ATXN8OS: variants seen among roughly 807,000 people sequenced by gnomAD.
ATXN8OS encodes ATXN8 opposite strand lncRNA, also known as ATXN8 opposite strand (non-protein coding).
intron 1 of ATXN8OS, chr13:70,115,042 GT>G: frequency 2.5e-6 from 1 of 394,658 alleles, no homozygotes; most frequent in Non-Finnish European, 4.5e-6. Context: ...GTGTGTGTGT[GT>G]GTGTGCATGT....
At chr13:70,145,702 G>C (rs924965193) in intron 3 of ATXN8OS, among the ~76,000 whole-genome samples, 1 of 152,096 alleles carries the variant, frequency 6.6e-6, no homozygotes, top group Admixed American at 6.6e-5. Flanking sequence ...CATTGATTTT[G>C]TATCCTGAGA....
chr13:70,166,660 T>G (rs908491207), intron 4 of ATXN8OS, among the ~76,000 whole-genome samples: 4 of 152,032 alleles, frequency 2.6e-5, no homozygotes, highest in African/African-American at 4.8e-5. Context: ...AAAGCCAAAA[T>G]TGACAAATGG....
At chr13:70,157,086 C>G (rs1359663668) in intron 4 of ATXN8OS, among the ~76,000 whole-genome samples, 1 of 151,952 alleles carries the variant, frequency 6.6e-6, no homozygotes, top group Non-Finnish European at 1.5e-5. Flanking sequence ...CTAATGCAAT[C>G]TGATGAATTG....
At chr13:70,169,757 A>G (rs1889123360) in exon 5 of ATXN8OS, among the ~76,000 whole-genome samples, 1 of 152,050 alleles carries the variant, frequency 6.6e-6, no homozygotes, top group South Asian at 2.1e-4. Context: ...TGATAGGACA[A>G]TGTCTTCCCA....
At chr13:70,141,229 C>T (rs570990950) in intron 3 of ATXN8OS, among the ~76,000 whole-genome samples, 6 of 152,090 alleles carry the variant, frequency 3.9e-5, no homozygotes, top group African/African-American at 7.2e-5. Context: ...ATACCTCTTT[C>T]GTCATCGATA....
intron 4 of ATXN8OS, among the ~76,000 whole-genome samples, chr13:70,161,755 T>C (rs1889010994): frequency 9.6e-6 from 1 of 104,610 alleles, no homozygotes. Context: ...TATAAGTATT[T>C]GTTGAGTGAA....
chr13:70,156,222 C>G (rs970728547), intron 4 of ATXN8OS, among the ~76,000 whole-genome samples: 4 of 149,158 alleles, frequency 2.7e-5, no homozygotes, highest in African/African-American at 9.8e-5. Flanking sequence ...TGAGTGAGCA[C>G]AGGTGGGTAT....
intron 4 of ATXN8OS, among the ~76,000 whole-genome samples, chr13:70,147,831 G>A (rs1888808193): frequency 6.6e-6 from 1 of 152,096 alleles, no homozygotes; most frequent in South Asian, 2.1e-4. Context: ...AAGAACATGT[G>A]CCCAAGATGG....
chr13:70,114,696 G>A (rs190665615), intron 1 of ATXN8OS, among the ~76,000 whole-genome samples: 28 of 152,094 alleles, frequency 1.8e-4, no homozygotes, highest in African/African-American at 6.7e-4. Flanking sequence ...AACTAAGAAA[G>A]GAACTATTAT....
At chr13:70,152,553 C>T (rs1261188946) in intron 4 of ATXN8OS, among the ~76,000 whole-genome samples, 3 of 151,838 alleles carry the variant, frequency 2.0e-5, no homozygotes, top group Non-Finnish European at 4.4e-5. Flanking sequence ...GCTCCTATAG[C>T]ACCATTGATT....
chr13:70,125,231 A>T (rs1310958268), intron 2 of ATXN8OS, among the ~76,000 whole-genome samples: 1 of 152,094 alleles, frequency 6.6e-6, no homozygotes, highest in Non-Finnish European at 1.5e-5. Context: ...TGGTATTATG[A>T]GGTCTTATGT....
At chr13:70,151,865 CAT>C (rs1424778200) in intron 4 of ATXN8OS, among the ~76,000 whole-genome samples, 1 of 152,016 alleles carries the variant, frequency 6.6e-6, no homozygotes, top group East Asian at 1.9e-4. Flanking sequence ...GAATGGTAAA[CAT>C]AGAATCATTT....
intron 3 of ATXN8OS, chr13:70,130,822 G>A: frequency 2.5e-6 from 1 of 398,514 alleles, no homozygotes; most frequent in Non-Finnish European, 4.4e-6. Flanking sequence ...CCAATGACCA[G>A]GGAGAATGAA....
chr13:70,128,065 C>A lies in ATXN8OS; in HGVS notation n.399-1719C>A, dbSNP rs148774313. On this transcript the variant is annotated intron_variant and non_coding_transcript_variant, in intron 2 of 4. Coordinates refer to ENST00000678624, the Ensembl canonical transcript of ATXN8OS. ...TTCATATAATTACATATGAATTTTACTAGGGATAGGTTAGTATGAAAAACA... is the reference window on the plus strand; with the variant it reads ...TTCATATAATTACATATGAATTTTAATAGGGATAGGTTAGTATGAAAAACA... Among the ~76,000 whole-genome samples, 11 of 151,774 alleles carry A rather than the reference C, an allele frequency of 7.2e-5. No homozygotes were observed. In the East Asian group the frequency reaches 2.1e-3, roughly 29 times the overall value.
intron 2 of ATXN8OS, among the ~76,000 whole-genome samples, chr13:70,119,767 T>A (rs941277159): frequency 6.6e-6 from 1 of 152,096 alleles, no homozygotes; most frequent in African/African-American, 2.4e-5. Flanking sequence ...TCAAACCTTT[T>A]TGTCATGCTC....
At chr13:70,154,892 G>A (rs1437495086) in intron 4 of ATXN8OS, among the ~76,000 whole-genome samples, 2 of 152,190 alleles carry the variant, frequency 1.3e-5, no homozygotes, top group African/African-American at 4.8e-5. Flanking sequence ...CGGTGCCCAG[G>A]CAAACCTAGA....
chr13:70,129,017 C>A (rs1268293933), intron 2 of ATXN8OS, among the ~76,000 whole-genome samples: 1 of 152,002 alleles, frequency 6.6e-6, no homozygotes, highest in African/African-American at 2.4e-5. Flanking sequence ...TGCACCACCA[C>A]GCCCAGCTAA....
At chr13:70,123,609 C>T (rs1888390618) in intron 2 of ATXN8OS, among the ~76,000 whole-genome samples, 1 of 151,998 alleles carries the variant, frequency 6.6e-6, no homozygotes, top group South Asian at 2.1e-4. Context: ...ATCCTATATT[C>T]TGTCCACAAA....
chr13:70,136,274 A>G (rs1209300485), intron 3 of ATXN8OS, among the ~76,000 whole-genome samples: 7 of 152,194 alleles, frequency 4.6e-5, no homozygotes, highest in Admixed American at 2.0e-4. Flanking sequence ...TTCGTTATAT[A>G]GCAACTCAAA....
Sources: gnomAD v4.1 joint callset for allele counts (sites outside exome capture counted in the v4.1 genomes callset) on GRCh38, gnomAD v4.1.1 for gene constraint, MANE v1.5 for transcripts, NCBI Gene and HGNC (gene_info 2026-07-23, HGNC 2026-07-21) for gene names.